Variants in MAGI2 observed in about 807,000 individuals in gnomAD.
The protein encoded by MAGI2 is membrane associated guanylate kinase, WW and PDZ domain containing 2.
Under a neutral mutation model 133.3 loss-of-function variants are expected in MAGI2, and 35 were observed. That is an observed-to-expected ratio of 0.26 (90% CI 0.20 to 0.35). The LOEUF (loss-of-function observed/expected upper bound fraction) is 0.35, where lower values mean the gene tolerates loss of function less well. Ranked by LOEUF, MAGI2 falls within the 10% of genes least tolerant of loss-of-function variation. The probability of loss-of-function intolerance (pLI) is 1.00; values close to 1 mark genes in which losing one functional copy is unlikely to be tolerated. For synonymous variants in MAGI2, 729 were observed against 710.6 expected (o/e 1.03, Z -0.41); for missense variants, 1,636 against 1,863.4 (o/e 0.88, Z 2.25).
At chr7:78,196,885 A>G (rs548867449) in intron 11 of MAGI2, among the ~76,000 whole-genome samples, 1 of 152,390 alleles carries the variant, frequency 6.6e-6, no homozygotes, top group East Asian at 1.9e-4. Flanking sequence ...CCTCCTGTGA[A>G]ACATAATCTC....
chr7:79,313,036 T>A (rs1838417296), intron 1 of MAGI2, among the ~76,000 whole-genome samples: 1 of 152,192 alleles, frequency 6.6e-6, no homozygotes, highest in Admixed American at 6.5e-5. Context: ...AAATAATACA[T>A]TTTAAACATG....
chr7:79,135,480 A>G (rs1821305034), intron 1 of MAGI2, among the ~76,000 whole-genome samples: 1 of 152,188 alleles, frequency 6.6e-6, no homozygotes, highest in African/African-American at 2.4e-5. Context: ...TTTATAGCAC[A>G]TACATGTCAA....
chr7:78,517,678 A>G (rs1357927111), intron 4 of MAGI2, among the ~76,000 whole-genome samples: 1 of 152,038 alleles, frequency 6.6e-6, no homozygotes, highest in East Asian at 1.9e-4. Context: ...ATATCTAAGG[A>G]TAGAATTGTA....
At chr7:79,162,660 G>A (rs963124981) in intron 1 of MAGI2, among the ~76,000 whole-genome samples, 3 of 151,928 alleles carry the variant, frequency 2.0e-5, no homozygotes, top group Non-Finnish European at 4.4e-5. Flanking sequence ...TTACTAACAG[G>A]ATAAAAATAC....
chr7:79,074,900 A>T (rs73369317), intron 1 of MAGI2, among the ~76,000 whole-genome samples: 8,501 of 152,280 alleles, frequency 0.056, 773 homozygotes, highest in African/African-American at 0.19. Flanking sequence ...ATATTTAATT[A>T]TCTTACATAA....
At chr7:79,385,020 G>T (rs976276704) in intron 1 of MAGI2, among the ~76,000 whole-genome samples, 2 of 151,656 alleles carry the variant, frequency 1.3e-5, no homozygotes, top group African/African-American at 4.8e-5. Flanking sequence ...TCCATGGAAG[G>T]TTAAAGAAAA....
chr7:78,429,377 G>A (rs763527872), intron 6 of MAGI2, among the ~76,000 whole-genome samples: 4 of 148,366 alleles, frequency 2.7e-5, no homozygotes, highest in Non-Finnish European at 4.5e-5. Context: ...TGGGGTCAGA[G>A]GTAGGCTGAG....
chr7:78,393,352 G>T (rs954312418), intron 6 of MAGI2, among the ~76,000 whole-genome samples: 2 of 152,238 alleles, frequency 1.3e-5, no homozygotes, highest in African/African-American at 4.8e-5. Flanking sequence ...ATGTTTTCTA[G>T]TGGCAGCAGA....
At chr7:78,669,668 C>A (rs1352667424) in intron 2 of MAGI2, among the ~76,000 whole-genome samples, 1 of 151,512 alleles carries the variant, frequency 6.6e-6, no homozygotes, top group Non-Finnish European at 1.5e-5. Context: ...TGCAAAAATC[C>A]TCAATAAAAT....
At chr7:78,972,205 T>C (rs1345698223) in intron 2 of MAGI2, among the ~76,000 whole-genome samples, 1 of 151,902 alleles carries the variant, frequency 6.6e-6, no homozygotes, top group Non-Finnish European at 1.5e-5. Flanking sequence ...ACCTGATCAC[T>C]GATTTAAAAA....
At chr7:78,130,645 G>A (rs187568484) in intron 18 of MAGI2, among the ~76,000 whole-genome samples, 5 of 152,304 alleles carry the variant, frequency 3.3e-5, no homozygotes, top group African/African-American at 1.2e-4. Flanking sequence ...CAGGAAACCC[G>A]AGTGGCAGTA....
chr7:78,417,516 T>C (rs1479471384), intron 6 of MAGI2, among the ~76,000 whole-genome samples: 1 of 152,160 alleles, frequency 6.6e-6, no homozygotes, highest in African/African-American at 2.4e-5. Context: ...ATACTTAATA[T>C]TCTACAATAT....
At chr7:78,645,736 A>G (rs943787824) in intron 2 of MAGI2, among the ~76,000 whole-genome samples, 4 of 146,840 alleles carry the variant, frequency 2.7e-5, no homozygotes, top group African/African-American at 1.0e-4. Flanking sequence ...AAATAGCAAA[A>G]CTTTTTTTTT....
intron 1 of MAGI2, among the ~76,000 whole-genome samples, chr7:79,061,838 G>T (rs1813774491): frequency 6.6e-6 from 1 of 151,934 alleles, no homozygotes; most frequent in Non-Finnish European, 1.5e-5. Flanking sequence ...AAGGGGTGGT[G>T]GTATGGAAAG....
intron 1 of MAGI2, among the ~76,000 whole-genome samples, chr7:79,171,760 ATATATATATATT>A (rs1562961170): frequency 1.9e-4 from 6 of 32,284 alleles, no homozygotes; most frequent in African/African-American, 3.7e-4. Flanking sequence ...ATATATATAT[ATATATATATATT>A]TTTTTTTTTT....
chr7:78,352,914 C>T (rs946885293), intron 7 of MAGI2: 2 of 152,202 alleles, frequency 1.3e-5, no homozygotes, highest in South Asian at 4.1e-4. Flanking sequence ...CGAACTAACT[C>T]CTAGCAGACA....
intron 9 of MAGI2, among the ~76,000 whole-genome samples, chr7:78,324,823 G>A (rs1788416979): frequency 6.6e-6 from 1 of 152,076 alleles, no homozygotes; most frequent in Non-Finnish European, 1.5e-5. Context: ...AAAACTAGCT[G>A]GGCATGGTGG....
chr7:78,109,231 G>T (rs1819059418), intron 20 of MAGI2, among the ~76,000 whole-genome samples: 1 of 135,616 alleles, frequency 7.4e-6, no homozygotes, highest in African/African-American at 2.7e-5. Flanking sequence ...GCGAACCCAG[G>T]AGGCGGAGCT....
chr7:78,607,256 T>C (rs1485616338), intron 3 of MAGI2, among the ~76,000 whole-genome samples: 1 of 152,114 alleles, frequency 6.6e-6, no homozygotes, highest in Non-Finnish European at 1.5e-5. Context: ...GGGGCAGTCA[T>C]GTCACCCAAT....
Sources: gnomAD v4.1 joint callset for allele counts (sites outside exome capture counted in the v4.1 genomes callset) on GRCh38, gnomAD v4.1.1 for gene constraint, MANE v1.5 for transcripts, NCBI Gene and HGNC (gene_info 2026-07-23, HGNC 2026-07-21) for gene names.